The following ROBO2 variants were observed in gnomAD, a reference collection of about 807,000 sequenced individuals.
ROBO2 encodes the protein roundabout homolog 2.
In ROBO2, 53 loss-of-function variants were observed where a neutral mutation model predicts 160.8. The observed-to-expected ratio is 0.33, with a 90% CI of 0.26 to 0.41. The LOEUF is 0.41. Among genes scored for constraint, ROBO2 ranks in the 10% least tolerant of loss-of-function variants. The pLI is 1.00. For missense variants in ROBO2, 1,577 were observed against 1,722.4 expected, an observed-to-expected ratio of 0.92 and a Z score of 1.49; for synonymous variants, 664 against 611.7, an observed-to-expected ratio of 1.09 and a Z score of -1.26.
chr3:77,295,416 G>T (rs1325189676), intron 2 of ROBO2, among the ~76,000 whole-genome samples: 2 of 150,090 alleles, frequency 1.3e-5, no homozygotes, highest in African/African-American at 2.5e-5. Context: ...TAAAATTGAT[G>T]GTTAAATGGG....
intron 2 of ROBO2, among the ~76,000 whole-genome samples, chr3:76,373,057 C>T (rs2076180498): frequency 1.3e-5 from 2 of 151,966 alleles, no homozygotes; most frequent in African/African-American, 2.4e-5. Context: ...AAAACTGTTT[C>T]TAATTTTCTT....
intron 1 of ROBO2, among the ~76,000 whole-genome samples, chr3:75,908,975 G>A (rs1946456216): frequency 6.6e-6 from 1 of 152,204 alleles, no homozygotes; most frequent in Admixed American, 6.5e-5. Context: ...AGGCTGAACT[G>A]CCAGCTTCGC....
At chr3:77,342,461 G>A (rs1222514989) in intron 2 of ROBO2, among the ~76,000 whole-genome samples, 2 of 152,086 alleles carry the variant, frequency 1.3e-5, no homozygotes, top group African/African-American at 4.8e-5. Context: ...ATTCATAATT[G>A]TTGTAGAGAG....
intron 2 of ROBO2, among the ~76,000 whole-genome samples, chr3:77,385,454 C>T (rs1219647435): frequency 1.3e-5 from 2 of 152,116 alleles, no homozygotes; most frequent in Non-Finnish European, 2.9e-5. Context: ...TTCAATATCC[C>T]ATTGTAATGG....
chr3:76,120,126 A>G (rs1383496558), intron 2 of ROBO2, among the ~76,000 whole-genome samples: 1 of 151,690 alleles, frequency 6.6e-6, no homozygotes, highest in Non-Finnish European at 1.5e-5. Context: ...GCTCCTGAGT[A>G]GAGTAGCTGA....
chr3:76,617,777 G>C (rs1386152167), intron 2 of ROBO2, among the ~76,000 whole-genome samples: 1 of 151,900 alleles, frequency 6.6e-6, no homozygotes, highest in Non-Finnish European at 1.5e-5. Flanking sequence ...AGATGTAACT[G>C]ATTTACAGTT....
intron 2 of ROBO2, among the ~76,000 whole-genome samples, chr3:76,106,214 G>T (rs1290407559): frequency 1.3e-5 from 2 of 152,164 alleles, no homozygotes; most frequent in Non-Finnish European, 2.9e-5. Context: ...GCTTATTTTT[G>T]TCTGGCTGTG....
intron 2 of ROBO2, among the ~76,000 whole-genome samples, chr3:76,757,963 T>C (rs1291013365): frequency 6.6e-6 from 1 of 151,760 alleles, no homozygotes; most frequent in Non-Finnish European, 1.5e-5. Flanking sequence ...AACCAGAGCC[T>C]CTAGTAAGTT....
At chr3:77,514,586 T>C (rs556910248) in intron 5 of ROBO2, among the ~76,000 whole-genome samples, 1 of 151,854 alleles carries the variant, frequency 6.6e-6, no homozygotes, top group African/African-American at 2.4e-5. Flanking sequence ...TCTGTAAAAT[T>C]GTGTTTGGAA....
intron 5 of ROBO2, among the ~76,000 whole-genome samples, chr3:77,520,769 T>C (rs185649048): frequency 6.6e-6 from 1 of 151,340 alleles, no homozygotes; most frequent in Non-Finnish European, 1.5e-5. Flanking sequence ...GCTAAGCATG[T>C]CATGCAGTTC....
chr3:77,532,599 TCTC>T (rs1553647622), intron 6 of ROBO2, among the ~76,000 whole-genome samples: 1 of 151,976 alleles, frequency 6.6e-6, no homozygotes, highest in Non-Finnish European at 1.5e-5. Context: ...TTTATCAACT[TCTC>T]TATAATAATT....
chr3:76,113,693 T>C (rs182456123), intron 2 of ROBO2, among the ~76,000 whole-genome samples: 55 of 152,290 alleles, frequency 3.6e-4, no homozygotes, highest in African/African-American at 1.2e-3. Flanking sequence ...AAGGATTTAA[T>C]GCACTTATAA....
chr3:77,599,554 G>A (rs1211224027), intron 19 of ROBO2, among the ~76,000 whole-genome samples: 7 of 151,070 alleles, frequency 4.6e-5, no homozygotes, highest in East Asian at 2.0e-4. Flanking sequence ...GTTAAATGAC[G>A]AGTTAATGGG....
chr3:77,533,585 G>C (rs549772251), intron 6 of ROBO2, among the ~76,000 whole-genome samples: 1 of 152,152 alleles, frequency 6.6e-6, no homozygotes, highest in Non-Finnish European at 1.5e-5. Context: ...GACTCACTGT[G>C]TTAAGTGGCT....
chr3:75,992,399 C>A lies in ROBO2; in HGVS notation c.109+54797C>A, dbSNP rs539446718. 3.9e-5 allele frequency among the ~76,000 whole-genome samples: 6 copies of A among 152,284 alleles called. No individual in the cohort carries two copies. The South Asian group carries it at 1.2e-3, about 32-fold the overall frequency. On this transcript the variant is annotated intron_variant, in intron 2 of 26. Coordinates refer to the ROBO2 transcript ENST00000487694. ...CAGCCCATTGCTCCCGAGGGTGGAG[C>A]CCCCAAGCCTTGGCATCTCCCACAT... is the stretch of plus-strand genomic sequence containing the variant.
chr3:75,944,643 GT>G (rs1025371296), intron 2 of ROBO2, among the ~76,000 whole-genome samples: 1 of 152,058 alleles, frequency 6.6e-6, no homozygotes, highest in Non-Finnish European at 1.5e-5. Context: ...GTCTGAAAGT[GT>G]TTTCTCAAAA....
At chr3:76,531,532 A>G (rs896612994) in intron 2 of ROBO2, among the ~76,000 whole-genome samples, 1 of 151,648 alleles carries the variant, frequency 6.6e-6, no homozygotes, top group Non-Finnish European at 1.5e-5. Flanking sequence ...TAAAACTTAC[A>G]TCATGAAAAA....
intron 2 of ROBO2, among the ~76,000 whole-genome samples, chr3:76,710,280 C>A (rs1032066609): frequency 1.3e-5 from 2 of 152,036 alleles, no homozygotes; most frequent in African/African-American, 4.8e-5. Context: ...ACCACCCTGC[C>A]AAGCTTATTT....
chr3:77,315,662 C>G (rs2063917198), intron 2 of ROBO2, among the ~76,000 whole-genome samples: 1 of 152,094 alleles, frequency 6.6e-6, no homozygotes, highest in Admixed American at 6.6e-5. Flanking sequence ...ATATATACCT[C>G]CAATGTTTTT....
Sources: gnomAD v4.1 joint callset for allele counts (sites outside exome capture counted in the v4.1 genomes callset) on GRCh38, gnomAD v4.1.1 for gene constraint, MANE v1.5 for transcripts, NCBI Gene and HGNC (gene_info 2026-07-23, HGNC 2026-07-21) for gene names.